MOB4: variants seen among roughly 807,000 people sequenced by gnomAD.
The protein encoded by MOB4 is MOB-like protein phocein.
In MOB4, 4 loss-of-function variants were observed where a neutral mutation model predicts 32.2. That is an observed-to-expected ratio of 0.12 (90% CI 0.06 to 0.28). The LOEUF is 0.28. MOB4 is among the 10% of genes least tolerant of loss of function. MOB4 has a pLI of 1.00. For missense variants in MOB4, 158 were observed against 271.2 expected, an observed-to-expected ratio of 0.58 and a Z score of 2.93; for synonymous variants, 88 against 88.1, an observed-to-expected ratio of 1.00 and a Z score of 0.01.
intron 2 of MOB4, among the ~76,000 whole-genome samples, chr2:197,528,509 T>C (rs2086644906): frequency 6.6e-6 from 1 of 152,176 alleles, no homozygotes; most frequent in South Asian, 2.1e-4. Flanking sequence ...AAACATATTT[T>C]AAAGAAGTCA....
At chr2:197,548,667 G>T (rs1222621990) in intron 6 of MOB4, among the ~76,000 whole-genome samples, 3 of 151,946 alleles carry the variant, frequency 2.0e-5, no homozygotes, top group African/African-American at 4.8e-5. Flanking sequence ...GTAAAATTAG[G>T]TTGCTCGTTA....
intron 5 of MOB4, among the ~76,000 whole-genome samples, chr2:197,542,732 A>T: frequency 6.6e-6 from 1 of 152,224 alleles, no homozygotes; most frequent in Non-Finnish European, 1.5e-5. Context: ...AAAAATTTGT[A>T]AACACCATTA....
intron 2 of MOB4, among the ~76,000 whole-genome samples, chr2:197,528,929 T>A: frequency 6.6e-6 from 1 of 151,920 alleles, no homozygotes; most frequent in East Asian, 1.9e-4. Flanking sequence ...CCAATTTTCT[T>A]TGTATTATTT....
Position 197,516,086 on chromosome 2 carries a change from T to A in MOB4, c.-1T>A, listed in dbSNP as rs1377089299. 6.3e-7 allele frequency: 1 copy of A among 1,595,804 alleles called. No individual in the cohort carries two copies. Among genetic ancestry groups the A allele is most frequent in the Admixed American group, 1.8e-5 (1 of 56,704 alleles). ...ACTCCAGCCGCCTAGACGCTGGCAC[T>A]ATGGTCATGGCGGAGGGGACGGCAG... On this transcript the variant is annotated 5_prime_UTR_variant, in exon 1 of 8. Coordinates refer to ENST00000323303, the MANE Select transcript of MOB4 (RefSeq NM_015387.5).
intron 5 of MOB4, among the ~76,000 whole-genome samples, chr2:197,541,992 A>G (rs1244148948): frequency 2.6e-5 from 4 of 152,278 alleles, no homozygotes. Context: ...TAGTGGTTTC[A>G]TTGATAATTC....
chr2:197,525,068 G>A (rs576144514), intron 2 of MOB4, among the ~76,000 whole-genome samples: 58 of 152,240 alleles, frequency 3.8e-4, no homozygotes, highest in African/African-American at 1.3e-3. Context: ...ATAGCTGGCC[G>A]GGTGCGGTGG....
At chr2:197,538,391 T>C (rs1353101620) in intron 3 of MOB4, among the ~76,000 whole-genome samples, 1 of 136,132 alleles carries the variant, frequency 7.3e-6, no homozygotes, top group East Asian at 2.2e-4. Context: ...CAGGAAGAGG[T>C]TTTTTTTTTT....
chr2:197,516,324 C>A, intron 1 of MOB4, 178 bp downstream of exon 1: 1 of 1,426,206 alleles, frequency 7.0e-7, no homozygotes, highest in South Asian at 1.5e-5. Context: ...CGGTGGCGGC[C>A]GCCGTGAGGC....
chr2:197,533,719 C>A, intron 2 of MOB4: 1 of 330,366 alleles, frequency 3.0e-6, no homozygotes, highest in East Asian at 7.2e-5. Flanking sequence ...GAGCAAAACT[C>A]CTCAAAAAAA....
At chr2:197,532,574 T>C (rs2086724230) in intron 2 of MOB4, among the ~76,000 whole-genome samples, 1 of 152,000 alleles carries the variant, frequency 6.6e-6, no homozygotes, top group Admixed American at 6.6e-5. Flanking sequence ...TAATCCCAGC[T>C]ACTTGGGAGG....
At chr2:197,516,777 G>A (rs200496169) in intron 1 of MOB4, 96 of 470,512 alleles carry the variant, frequency 2.0e-4, no homozygotes, top group Admixed American at 4.0e-4. Context: ...GCTAATATGC[G>A]TGAAGCATAG....
Position 197,550,641 on chromosome 2 carries a change from G to A in MOB4, c.673G>A (p.Ala225Thr). 6.3e-7 allele frequency: 1 copy of A among 1,594,014 alleles called. No homozygotes were observed. The highest frequency in any genetic ancestry group is 8.5e-7 in the Non-Finnish European group (1 of 1,174,360). Residue 225 changes from alanine to threonine, a missense_variant, in exon 8 of 8, where the codon GCA (alanine) becomes ACA (threonine). Physicochemically the swap from Ala to Thr is moderately conservative, Grantham distance 58. Around this residue, in one of 6 missense-constraint regions of MOB4, gnomAD observed 45 missense variants for 65.6 expected, o/e 0.69. Coordinates refer to ENST00000323303, the MANE Select transcript of MOB4 (RefSeq NM_015387.5). ...VQNSVSGESEA is the reference protein window; with the variant it reads ...VQNSVSGESET Reference sequence around the variant, plus strand: ...GAATTCAGTTTCTGGGGAAAGTGAAGCATGAAGGGAATCATAGGAAAAATG... The same window carrying A: ...GAATTCAGTTTCTGGGGAAAGTGAAACATGAAGGGAATCATAGGAAAAATG...
chr2:197,525,635 A>G (rs1574629865), intron 2 of MOB4, among the ~76,000 whole-genome samples: 1 of 148,604 alleles, frequency 6.7e-6, no homozygotes, highest in African/African-American at 2.5e-5. Flanking sequence ...TAGGAGGCTG[A>G]GGTGGGAGGA....
At chr2:197,538,947 A>T (rs1269279619) in intron 3 of MOB4, among the ~76,000 whole-genome samples, 1 of 152,208 alleles carries the variant, frequency 6.6e-6, no homozygotes, top group Non-Finnish European at 1.5e-5. Flanking sequence ...AACAACTGAA[A>T]ATTTGACCCT....
chr2:197,547,427 A>T (rs1351347121), intron 5 of MOB4, among the ~76,000 whole-genome samples: 1 of 152,220 alleles, frequency 6.6e-6, no homozygotes, highest in African/African-American at 2.4e-5. Context: ...GGAGAAAGGT[A>T]GTTTTTTTCA....
At chr2:197,532,874 G>T (rs1353954604) in intron 2 of MOB4, among the ~76,000 whole-genome samples, 1 of 152,132 alleles carries the variant, frequency 6.6e-6, no homozygotes, top group Non-Finnish European at 1.5e-5. Flanking sequence ...TGAGGCAGGT[G>T]GATCACTTGA....
At position 197,535,556 on chromosome 2, in the gene MOB4, T is replaced by C. The variant is rs372102734; in HGVS notation, c.150T>C (p.Asp50=). ...QQYIQQNIRA[D]CSNIDKILEP... is the part of the protein sequence containing the mutation. ...ATATTCAACAGAACATAAGAGCAGATTGCTCCAATATTGACAAAATTCTTG... is the reference window on the plus strand; with the variant it reads ...ATATTCAACAGAACATAAGAGCAGACTGCTCCAATATTGACAAAATTCTTG... Residue 50 remains aspartate, a synonymous_variant, in exon 3 of 8, where the codon GAT becomes GAC. Transcript: ENST00000323303. 3.2e-5 allele frequency: 51 copies of C among 1,611,170 alleles called. No individual in the cohort carries two copies. In the African/African-American group the frequency reaches 6.4e-4, roughly 20 times the overall value.
At chr2:197,515,912 G>C, upstream of MOB4, 1 of 615,170 alleles carries the variant, frequency 1.6e-6, no homozygotes, top group Non-Finnish European at 2.7e-6. Flanking sequence ...TTCCTCGTTC[G>C]CCCTCTCCCT....
At chr2:197,533,639 C>T (rs965373928) in intron 2 of MOB4, among the ~76,000 whole-genome samples, 5 of 148,934 alleles carry the variant, frequency 3.4e-5, no homozygotes, top group Admixed American at 6.8e-5. Context: ...GCAGGAGAAT[C>T]GCTTGAACCC....
Sources: allele counts gnomAD v4.1 joint callset (sites outside exome capture counted in the v4.1 genomes callset), GRCh38; gene constraint gnomAD v4.1.1; regional missense constraint gnomAD v4.1.1; transcripts MANE v1.5; gene names NCBI Gene and HGNC (gene_info 2026-07-23, HGNC 2026-07-21).